Variants in PACC1 observed in about 807,000 individuals in gnomAD.
PACC1 encodes the protein proton activated chloride channel 1.
In PACC1, 34 loss-of-function variants were observed where a neutral mutation model predicts 39.7. That is an observed-to-expected ratio of 0.86 (90% CI 0.65 to 1.14). The LOEUF (loss-of-function observed/expected upper bound fraction) is 1.14, where lower values mean the gene tolerates loss of function less well. PACC1 is among the 50% of genes most tolerant of loss of function. PACC1 has a pLI of 0.00. For synonymous variants in PACC1, 127 were observed against 160.6 expected (o/e 0.79, Z 1.58); for missense variants, 379 against 436.4 (o/e 0.87, Z 1.17).
chr1:212,367,065 CA>C (rs1660271726), intron 7 of PACC1, among the ~76,000 whole-genome samples: 1 of 152,062 alleles, frequency 6.6e-6, no homozygotes, highest in African/African-American at 2.4e-5. Flanking sequence ...CAAAGCTGTC[CA>C]ATTATTCCTC....
Position 212,386,903 on chromosome 1 carries a change from A to ACCTGGG in PACC1, c.330_331insCCCAGG (p.Arg110_Tyr111insProArg). 1 of 1,614,166 alleles carries ACCTGGG rather than the reference A, an allele frequency of 6.2e-7. No homozygotes were observed. The highest frequency in any genetic ancestry group is 8.5e-7 in the Non-Finnish European group (1 of 1,180,018). The stretch of plus-strand genomic sequence containing the variant: ...GGGCAGGCTCTACCTGGGGCATCAT[A>ACCTGGG]GCGATCCACTTCCTTGTAAGACACA... On this transcript the variant is annotated inframe_insertion, in exon 3 of 8. Transcript: ENST00000261455. This position sits in a 1 kb window ranked among gnomAD's most constrained non-coding sequence, Gnocchi z 5.0.
At chr1:212,409,046 G>T (rs1662028844) in intron 2 of PACC1, among the ~76,000 whole-genome samples, 1 of 152,200 alleles carries the variant, frequency 6.6e-6, no homozygotes, top group African/African-American at 2.4e-5. Flanking sequence ...ATTGTAAGCT[G>T]CACATACAAG....
At chr1:212,390,514 G>A (rs1262097520) in intron 2 of PACC1, among the ~76,000 whole-genome samples, 1 of 151,950 alleles carries the variant, frequency 6.6e-6, no homozygotes, top group Admixed American at 6.6e-5. Context: ...CCCAGCGAGA[G>A]AGATGCAGAA....
intron 2 of PACC1, among the ~76,000 whole-genome samples, chr1:212,390,758 C>T (rs1433121461): frequency 6.6e-6 from 1 of 152,242 alleles, no homozygotes; most frequent in East Asian, 1.9e-4. Context: ...CCGTGCTTTT[C>T]CAATGGTCTT....
intron 5 of PACC1, among the ~76,000 whole-genome samples, chr1:212,378,443 A>T (rs1207834213): frequency 6.6e-6 from 1 of 152,290 alleles, no homozygotes; most frequent in East Asian, 1.9e-4. Flanking sequence ...TGGAAGAACA[A>T]AGCAGTGGTG....
chr1:212,405,548 C>A (rs1661878498), intron 2 of PACC1, among the ~76,000 whole-genome samples: 1 of 152,114 alleles, frequency 6.6e-6, no homozygotes, highest in Non-Finnish European at 1.5e-5. Context: ...TGCCTGAGTT[C>A]CTGGAGGAAC....
At chr1:212,406,034 C>A (rs1462891152) in intron 2 of PACC1, among the ~76,000 whole-genome samples, 2 of 137,178 alleles carry the variant, frequency 1.5e-5, no homozygotes, top group African/African-American at 5.4e-5. Flanking sequence ...CTCAACTACT[C>A]GGGAGGCTGA....
At chr1:212,367,556 A>G (rs1380424026) in intron 7 of PACC1, among the ~76,000 whole-genome samples, 1 of 152,206 alleles carries the variant, frequency 6.6e-6, no homozygotes, top group Admixed American at 6.5e-5. Flanking sequence ...AAGTGGCCTT[A>G]GGCCCCAAAT....
chr1:212,380,156 G>A, intron 4 of PACC1, 119 bp from the exon 5 acceptor site: 1 of 1,066,080 alleles, frequency 9.4e-7, no homozygotes, highest in South Asian at 1.6e-5. Context: ...TCTCCAAAGG[G>A]ACCACTAGCC....
chr1:212,388,379 C>T lies in PACC1; in HGVS notation c.134-1279G>A, dbSNP rs140757951. Among the ~76,000 whole-genome samples the T allele has an allele frequency of 3.3e-4, 50 of 152,316 alleles. 1 individual carries two copies. Among genetic ancestry groups the T allele is most frequent in the Non-Finnish European group, 5.4e-4 (37 of 68,032 alleles). On this transcript the variant is annotated intron_variant, in intron 2 of 7. Coordinates refer to ENST00000261455, the MANE Select transcript of PACC1 (RefSeq NM_018252.3). ...AACACAACTCTGTCTCCCCTACCTCCCTCACAAAATCCTGAGGCTAGAAGC... is the reference window on the plus strand; with the variant it reads ...AACACAACTCTGTCTCCCCTACCTCTCTCACAAAATCCTGAGGCTAGAAGC...
chr1:212,391,824 C>G (rs919794403), intron 2 of PACC1, among the ~76,000 whole-genome samples: 3 of 152,160 alleles, frequency 2.0e-5, no homozygotes, highest in South Asian at 2.1e-4. Flanking sequence ...ATTCAACCAA[C>G]TGGAAGAAAG....
intron 1 of PACC1, among the ~76,000 whole-genome samples, chr1:212,410,919 G>A (rs72754339): frequency 0.051 from 7,737 of 152,206 alleles, 295 homozygotes; most frequent in East Asian, 0.1. Context: ...TCGTTGGCTC[G>A]TAGAGGCATC....
At chr1:212,411,675 T>C (rs1662131876) in intron 1 of PACC1, among the ~76,000 whole-genome samples, 1 of 152,066 alleles carries the variant, frequency 6.6e-6, no homozygotes, top group Admixed American at 6.5e-5. Flanking sequence ...ACAGCATCAG[T>C]GTTTAAGGTT....
chr1:212,396,869 T>A (rs1661547889), intron 2 of PACC1, among the ~76,000 whole-genome samples: 3 of 151,864 alleles, frequency 2.0e-5, no homozygotes, highest in Admixed American at 2.0e-4. Flanking sequence ...AGAGCACTGA[T>A]ATTAACGACA....
chr1:212,399,922 G>A (rs1384525409), intron 2 of PACC1, among the ~76,000 whole-genome samples: 4 of 151,818 alleles, frequency 2.6e-5, no homozygotes, highest in Admixed American at 1.3e-4. Context: ...TTGGTTCACC[G>A]CAACCTCCGC....
chr1:212,405,842 T>A lies in PACC1; in HGVS notation c.133+4583A>T, dbSNP rs546503252. Among the ~76,000 whole-genome samples, 21 of 151,994 alleles carry A rather than the reference T, an allele frequency of 1.4e-4. No homozygotes were observed. The South Asian group carries it at 4.4e-3, about 32-fold the overall frequency. On this transcript the variant is annotated intron_variant, in intron 2 of 7. Coordinates refer to ENST00000261455, the MANE Select transcript of PACC1 (RefSeq NM_018252.3). ...GCTGTGAAGATTACAGGATAAAGTGTATATAAAAAGCCCTATAGGCTCAGA... is the reference window on the plus strand; with the variant it reads ...GCTGTGAAGATTACAGGATAAAGTGAATATAAAAAGCCCTATAGGCTCAGA...
At chr1:212,382,403 G>A (rs1241099413) in intron 4 of PACC1, among the ~76,000 whole-genome samples, 1 of 152,146 alleles carries the variant, frequency 6.6e-6, no homozygotes. Context: ...TTGGGCAGTG[G>A]GAAAATGGCG....
At chr1:212,392,806 C>T (rs1223797451) in intron 2 of PACC1, among the ~76,000 whole-genome samples, 1 of 151,132 alleles carries the variant, frequency 6.6e-6, no homozygotes, top group Non-Finnish European at 1.5e-5. Flanking sequence ...ATAAAACAGA[C>T]TTTAAACCAA....
At position 212,365,495 on chromosome 1, in the gene PACC1, A is replaced by G. The variant is rs945049782; in HGVS notation, c.892-119T>C. ...CACCCAGGCTTGTGTGCGTGGCGCA[A>G]TCTCGGCTCAGTGCAAGCTCCGCTT... On this transcript the variant is annotated intron_variant, in intron 7 of 7. Coordinates refer to ENST00000261455, the MANE Select transcript of PACC1 (RefSeq NM_018252.3). 3.7e-6 allele frequency: 4 copies of G among 1,092,496 alleles called. No homozygotes were observed. In the Admixed American group the frequency reaches 8.8e-5, roughly 24 times the overall value. The allele number at this position is 1,092,496 out of a possible 1,614,324, so 67.7% of individuals were successfully genotyped here.
Sources: allele counts gnomAD v4.1 joint callset (sites outside exome capture counted in the v4.1 genomes callset), GRCh38; gene constraint gnomAD v4.1.1; non-coding constraint Gnocchi (gnomAD v3.1); transcripts MANE v1.5; gene names NCBI Gene and HGNC (gene_info 2026-07-23, HGNC 2026-07-21).